The following TRIM63 variants were observed in gnomAD, a reference collection of about 807,000 sequenced individuals.
TRIM63 encodes tripartite motif containing 63.
Under a neutral mutation model 46.0 loss-of-function variants are expected in TRIM63, and 48 were observed. The observed-to-expected ratio is 1.04, with a 90% CI of 0.83 to 1.33. The LOEUF (loss-of-function observed/expected upper bound fraction) is 1.33, where lower values mean the gene tolerates loss of function less well. TRIM63 is among the 40% of genes most tolerant of loss of function. The probability of loss-of-function intolerance (pLI) is 0.00; values close to 1 mark genes in which losing one functional copy is unlikely to be tolerated. For synonymous variants in TRIM63, 175 were observed against 162.8 expected (o/e 1.08, Z -0.57); for missense variants, 455 against 441.2 (o/e 1.03, Z -0.28).
intron 7 of TRIM63, among the ~76,000 whole-genome samples, chr1:26,055,292 G>A (rs2050560912): frequency 6.6e-6 from 1 of 152,192 alleles, no homozygotes; most frequent in Non-Finnish European, 1.5e-5. Context: ...AATAGAGATG[G>A]TAACAGAACC....
chr1:26,061,266 C>G lies in TRIM63; in HGVS notation c.401G>C (p.Cys134Ser). 1 of 1,614,186 alleles carries G rather than the reference C, an allele frequency of 6.2e-7. No homozygotes were observed. The highest frequency in any genetic ancestry group is 2.2e-5 in the East Asian group (1 of 44,886). The change falls in exon 3 of 9, where the codon TGT (cysteine) becomes TCT (serine). Residue 134 changes from cysteine to serine, a missense_variant. By Grantham distance (112) the Cys-to-Ser change is moderately radical. Coordinates refer to ENST00000374272, the MANE Select transcript of TRIM63 (RefSeq NM_032588.4). The stretch of plus-strand genomic sequence containing the variant: ...GCAGGTGGGCACCTCACACGTGAGA[C>G]AGTAGATGTTGATTTTCTCATCTTC... ...EHEDEKINIY[C>S]LTCEVPTCSM...
At chr1:26,066,924 ATGCCTCTAC>A (rs1350625970) in intron 1 of TRIM63, among the ~76,000 whole-genome samples, 4 of 151,860 alleles carry the variant, frequency 2.6e-5, no homozygotes, top group Admixed American at 6.6e-5. Context: ...AAAAGGGAAG[ATGCCTCTAC>A]TGCCCACTGC....
chr1:26,056,294 T>C (rs1462835883), intron 7 of TRIM63, among the ~76,000 whole-genome samples: 3 of 152,232 alleles, frequency 2.0e-5, no homozygotes, highest in Non-Finnish European at 4.4e-5. Flanking sequence ...TTACAATTAT[T>C]ATAGGCACTC....
At chr1:26,067,288 C>A (rs777770712) in intron 1 of TRIM63, 48 bp downstream of exon 1, 5 of 1,603,618 alleles carry the variant, frequency 3.1e-6, no homozygotes, top group Non-Finnish European at 4.2e-6. Flanking sequence ...CACAGGGAAG[C>A]CAAGTAGCCA....
chr1:26,058,668 C>T, intron 4 of TRIM63, 45 bp from the exon 5 acceptor site: 1 of 1,521,690 alleles, frequency 6.6e-7, no homozygotes, highest in African/African-American at 1.4e-5. Flanking sequence ...GGTCTTTATT[C>T]CCTGCCCACT....
Position 26,058,618 on chromosome 1 carries a change from G to A in TRIM63, c.603C>T (p.Asn201=). The A allele has an allele frequency of 1.2e-6, 2 of 1,613,980 alleles. No homozygotes were observed. The highest frequency in any genetic ancestry group is 1.3e-5 in the African/African-American group (1 of 75,026). Residue 201 remains asparagine (N), a synonymous_variant, in exon 5 of 9, where the codon AAC becomes AAT. Transcript: ENST00000374272. The stretch of plus-strand genomic sequence containing the variant: ...TCAGCTCTTCCTTTACCTGGTGACT[G>A]TTCTCCTGAGGACGGAAGTCTTGTG... The part of the protein sequence containing the change: ...LEDSRRVTKE[N]SHQVKEELSQ...
intron 8 of TRIM63, among the ~76,000 whole-genome samples, chr1:26,052,810 G>A (rs2050534336): frequency 6.6e-6 from 1 of 152,060 alleles, no homozygotes; most frequent in South Asian, 2.1e-4. Context: ...CCAGCACTCT[G>A]GGACTACAAG....
chr1:26,060,164 G>A (rs575935379), intron 4 of TRIM63, 102 bp downstream of exon 4: 38 of 989,604 alleles, frequency 3.8e-5, no homozygotes, highest in East Asian at 3.7e-4. Flanking sequence ...CCCAGGCTCC[G>A]GGCCCCAACC....
At chr1:26,066,520 T>C in intron 1 of TRIM63, 80 bp from the exon 2 acceptor site, 1 of 1,353,404 alleles carries the variant, frequency 7.4e-7, no homozygotes, top group Non-Finnish European at 9.7e-7. Flanking sequence ...TATCCTTTCC[T>C]CTGCCTATCC....
chr1:26,058,719 G>A, intron 4 of TRIM63, 96 bp from the exon 5 acceptor site: 1 of 972,622 alleles, frequency 1.0e-6, no homozygotes, highest in Non-Finnish European at 1.6e-6. Context: ...TCTAAAGCTA[G>A]AAGAGATCTC....
chr1:26,053,457 T>C (rs2050539986), intron 8 of TRIM63, among the ~76,000 whole-genome samples: 1 of 151,876 alleles, frequency 6.6e-6, no homozygotes, highest in Admixed American at 6.6e-5. Context: ...TTTCACCATG[T>C]TGGCCAGGCT....
chr1:26,054,366 GA>G (rs1488267297), intron 7 of TRIM63, among the ~76,000 whole-genome samples: 11 of 152,188 alleles, frequency 7.2e-5, no homozygotes, highest in African/African-American at 2.7e-4. Context: ...TCCTTGTCTT[GA>G]AGGAAGCTAC....
At chr1:26,057,534 T>A in intron 6 of TRIM63, 94 bp downstream of exon 6, 12 of 1,474,958 alleles carry the variant, frequency 8.1e-6, no homozygotes, top group Non-Finnish European at 1.1e-5. Context: ...AGTGAGACCC[T>A]CCCAGCAGGC....
chr1:26,051,769 G>A lies in TRIM63; in HGVS notation c.*104C>T, dbSNP rs1483915931. 2.4e-6 allele frequency: 2 copies of A among 839,654 alleles called. No homozygotes were observed. The highest frequency in any genetic ancestry group is 3.3e-6 in the Non-Finnish European group (2 of 608,744). The allele number at this position is 839,654 out of a possible 1,614,324, so 52.0% of individuals were successfully genotyped here. ...CATCACCTCCCCATTGCCCCTCCAG[G>A]GGCCCCGACCCCTCCCACCCTGGGC... On this transcript the variant is annotated 3_prime_UTR_variant, in exon 9 of 9. Transcript: ENST00000374272.
Position 26,067,205 on chromosome 1 carries a change from G to A in TRIM63, c.159+131C>T, listed in dbSNP as rs2050686238. ...CAGCCCCCTCTCAGCCCTGTCCAGA[G>A]GCCTCTGCAGGGGTTCACTTCCAAG... On this transcript the variant is annotated intron_variant, in intron 1 of 8. Transcript: ENST00000374272. 7 of 1,142,888 alleles carry A rather than the reference G, an allele frequency of 6.1e-6. No homozygotes were observed. The South Asian group carries it at 1.1e-4, about 18-fold the overall frequency. The allele number at this position is 1,142,888 out of a possible 1,614,324, so 70.8% of individuals were successfully genotyped here.
intron 7 of TRIM63, among the ~76,000 whole-genome samples, chr1:26,056,079 C>T (rs1045669402): frequency 6.6e-6 from 1 of 152,172 alleles, no homozygotes; most frequent in Non-Finnish European, 1.5e-5. Context: ...CCCCTTGTCC[C>T]CCAACCTCAG....
At chr1:26,057,565 TC>T in intron 6 of TRIM63, 62 bp downstream of exon 6, 5 of 1,569,742 alleles carry the variant, frequency 3.2e-6, no homozygotes, top group Non-Finnish European at 3.5e-6. Flanking sequence ...GGATGAGGCT[TC>T]CTGGACAGAG....
In TRIM63 at chr1:26,058,417, G is replaced by A. The variant is rs376441021; in HGVS notation, c.804C>T (p.Asp268=). The A allele has an allele frequency of 1.5e-5, 25 of 1,613,954 alleles. No homozygotes were observed. The highest frequency in any genetic ancestry group is 4.0e-5 in the African/African-American group (3 of 74,876). Residue 268 remains aspartate, a synonymous_variant, in exon 5 of 9, where the codon GAC becomes GAT. Transcript: ENST00000374272. ...AGAGGAAGGTGGCTCCCCCAGGCTC[G>A]TCCAGGGACTGGATGGCAGTTTCCA... ...KLVETAIQSL[D]EPGGATFLLT...
chr1:26,053,179 A>T (rs926727892), intron 8 of TRIM63, among the ~76,000 whole-genome samples: 5 of 152,214 alleles, frequency 3.3e-5, no homozygotes, highest in Middle Eastern at 6.8e-3. Context: ...CCAGGTCTCA[A>T]GCAATCCTCC....
Sources: gnomAD v4.1 joint callset for allele counts (sites outside exome capture counted in the v4.1 genomes callset) on GRCh38, gnomAD v4.1.1 for gene constraint, MANE v1.5 for transcripts, NCBI Gene and HGNC (gene_info 2026-07-23, HGNC 2026-07-21) for gene names.